Variants in PDIA5 observed in about 807,000 individuals in gnomAD.
The protein encoded by PDIA5 is protein disulfide isomerase family A member 5, also known as protein disulfide-isomerase A5.
A neutral mutation model predicts 77.6 loss-of-function variants in PDIA5; 58 were observed. The ratio of observed to expected loss-of-function variants is 0.75; its 90% CI spans 0.61 to 0.93. The LOEUF (loss-of-function observed/expected upper bound fraction) is 0.93, where lower values mean the gene tolerates loss of function less well. Among genes scored for constraint, PDIA5 ranks in the 40% least tolerant of loss-of-function variants. The pLI is 0.00. For synonymous variants in PDIA5, 250 were observed against 252.1 expected, an observed-to-expected ratio of 0.99 and a Z score of 0.08; for missense variants, 630 against 647.7, an observed-to-expected ratio of 0.97 and a Z score of 0.30.
At chr3:123,160,039 T>C (rs975036672) in intron 15 of PDIA5, among the ~76,000 whole-genome samples, 10 of 152,250 alleles carry the variant, frequency 6.6e-5, no homozygotes, top group Admixed American at 5.2e-4. Context: ...CAAGCATTCA[T>C]TGAGCTCTAT....
chr3:123,117,051 C>T (rs1439049597), intron 8 of PDIA5, among the ~76,000 whole-genome samples: 2 of 151,744 alleles, frequency 1.3e-5, no homozygotes, highest in African/African-American at 2.4e-5. Context: ...GGATGGACCT[C>T]ACACAGAAGG....
intron 11 of PDIA5, among the ~76,000 whole-genome samples, chr3:123,144,184 C>T (rs1428562418): frequency 6.6e-6 from 1 of 152,208 alleles, no homozygotes; most frequent in Non-Finnish European, 1.5e-5. Flanking sequence ...GATTCCGTAG[C>T]TCAGTGGGAG....
intron 11 of PDIA5, among the ~76,000 whole-genome samples, chr3:123,132,186 C>T (rs1446121207): frequency 2.0e-5 from 3 of 152,116 alleles, no homozygotes; most frequent in African/African-American, 7.2e-5. Flanking sequence ...CCCACGGCTC[C>T]GTGAGTCCTG....
chr3:123,069,159 C>A (rs12492773), intron 1 of PDIA5, among the ~76,000 whole-genome samples: 4 of 152,016 alleles, frequency 2.6e-5, no homozygotes, highest in African/African-American at 7.3e-5. Flanking sequence ...CTGGACAGCG[C>A]GTTGGGTCTT....
intron 1 of PDIA5, among the ~76,000 whole-genome samples, chr3:123,087,761 A>T (rs1303168052): frequency 6.6e-6 from 1 of 152,198 alleles, no homozygotes; most frequent in Non-Finnish European, 1.5e-5. Flanking sequence ...GCACTAGCAC[A>T]TTGACTGGCA....
At chr3:123,123,216 G>A (rs1935160961) in intron 8 of PDIA5, among the ~76,000 whole-genome samples, 1 of 152,238 alleles carries the variant, frequency 6.6e-6, no homozygotes, top group Non-Finnish European at 1.5e-5. Flanking sequence ...GTTAGAGGGT[G>A]CAGTGAGCTA....
chr3:123,145,474 G>T, intron 11 of PDIA5, 48 bp from the exon 12 acceptor site: 2 of 1,478,344 alleles, frequency 1.4e-6, no homozygotes, highest in Non-Finnish European at 9.5e-7. Context: ...GGAGCATCCC[G>T]AGGGCCTCTG....
chr3:123,075,614 G>A (rs962493965), intron 1 of PDIA5, among the ~76,000 whole-genome samples: 10 of 152,090 alleles, frequency 6.6e-5, no homozygotes, highest in Non-Finnish European at 1.5e-5. Flanking sequence ...ATGGAAGGAG[G>A]GAGGAGAATG....
chr3:123,079,677 T>C (rs1933946168), intron 1 of PDIA5, among the ~76,000 whole-genome samples: 1 of 152,176 alleles, frequency 6.6e-6, no homozygotes, highest in Non-Finnish European at 1.5e-5. Context: ...TCAGGACACA[T>C]TCCCAGAAGT....
chr3:123,108,871 G>A (rs535787384), intron 6 of PDIA5, among the ~76,000 whole-genome samples: 7 of 150,948 alleles, frequency 4.6e-5, no homozygotes, highest in East Asian at 2.0e-4. Flanking sequence ...GGGTGACAGG[G>A]CGAGACTCCT....
intron 14 of PDIA5, among the ~76,000 whole-genome samples, chr3:123,150,727 T>C (rs929658884): frequency 2.3e-5 from 3 of 132,166 alleles, no homozygotes; most frequent in African/African-American, 8.5e-5. Context: ...CTCCAGACAC[T>C]GACTTATCTT....
At chr3:123,105,605 C>T (rs149857588) in intron 5 of PDIA5, among the ~76,000 whole-genome samples, 3 of 152,274 alleles carry the variant, frequency 2.0e-5, no homozygotes, top group African/African-American at 7.2e-5. Flanking sequence ...TCCCATTCTC[C>T]CGTAGTAGTT....
At chr3:123,096,361 A>AT (rs113587290) in intron 3 of PDIA5, among the ~76,000 whole-genome samples, 5 of 151,290 alleles carry the variant, frequency 3.3e-5, no homozygotes, top group Non-Finnish European at 4.4e-5. Context: ...TAAGTTTTGT[A>AT]TTTTTTTTAT....
At chr3:123,077,095 G>C (rs1168115020) in intron 1 of PDIA5, among the ~76,000 whole-genome samples, 1 of 152,236 alleles carries the variant, frequency 6.6e-6, no homozygotes, top group South Asian at 2.1e-4. Flanking sequence ...GCAGCAGGCA[G>C]TAAGATGTGT....
At chr3:123,120,228 C>A (rs1482741977) in intron 8 of PDIA5, among the ~76,000 whole-genome samples, 1 of 152,238 alleles carries the variant, frequency 6.6e-6, no homozygotes, top group Non-Finnish European at 1.5e-5. Flanking sequence ...ATAGAACCAT[C>A]ATGACGACAG....
intron 8 of PDIA5, among the ~76,000 whole-genome samples, chr3:123,123,792 G>T (rs530507434): frequency 6.6e-6 from 1 of 152,340 alleles, no homozygotes; most frequent in East Asian, 1.9e-4. Context: ...CAGAACGTTG[G>T]TTTTGCTCTG....
At chr3:123,131,656 CAGTGAATCAAGGA>C (rs1367584115) in intron 11 of PDIA5, among the ~76,000 whole-genome samples, 2 of 149,344 alleles carry the variant, frequency 1.3e-5, no homozygotes, top group Admixed American at 6.7e-5. Context: ...GAAATGACCA[CAGTGAATCAAGGA>C]AGTAAAATCC....
rs574422873 is a variant in PDIA5 at position 123,113,323 on chromosome 3, G to A, written c.541+2319G>A. Among the ~76,000 whole-genome samples, 21 of 152,284 alleles carry A rather than the reference G, an allele frequency of 1.4e-4. No individual in the cohort carries two copies. The East Asian group carries it at 2.7e-3, about 20-fold the overall frequency. On this transcript the variant is annotated intron_variant, in intron 7 of 16. Coordinates refer to ENST00000316218, the MANE Select transcript of PDIA5 (RefSeq NM_006810.4). ...TTAGAAGTGTGCACGGGCAGTTTGC[G>A]CCCGTGTGCTGTGCCCTCTCCCGCC...
At chr3:123,078,323 C>T (rs1326087327) in intron 1 of PDIA5, among the ~76,000 whole-genome samples, 2 of 152,124 alleles carry the variant, frequency 1.3e-5, no homozygotes, top group East Asian at 1.9e-4. Flanking sequence ...ACAGAGCAAG[C>T]GCTGGGCCGG....
Sources: gnomAD v4.1 joint callset for allele counts (sites outside exome capture counted in the v4.1 genomes callset) on GRCh38, gnomAD v4.1.1 for gene constraint, MANE v1.5 for transcripts, NCBI Gene and HGNC (gene_info 2026-07-23, HGNC 2026-07-21) for gene names.